Variants in RPL12 observed in about 807,000 individuals in gnomAD.
RPL12 encodes the protein large ribosomal subunit protein uL11.
Under a neutral mutation model 24.5 loss-of-function variants are expected in RPL12, and 10 were observed. That is an observed-to-expected ratio of 0.41 (90% CI 0.25 to 0.69). RPL12 has a LOEUF of 0.69. Among genes scored for constraint, RPL12 ranks in the 30% least tolerant of loss-of-function variants. The probability of loss-of-function intolerance (pLI) is 0.33; values close to 1 mark genes in which losing one functional copy is unlikely to be tolerated. For missense variants in RPL12, 137 were observed against 205.3 expected (o/e 0.67, Z 2.03); for synonymous variants, 74 against 76.1 (o/e 0.97, Z 0.14).
rs749249459 is a variant in RPL12 at position 127,449,520 on chromosome 9, C to T, written c.210+90G>A. ...CAAGGTGAAATCACTCTCGGCTCAC[C>T]ACTGGTGGCAGAAATACTCTTCAGG... On this transcript the variant is annotated intron_variant, in intron 3 of 6. Coordinates refer to ENST00000361436, the MANE Select transcript of RPL12 (RefSeq NM_000976.4). The T allele has an allele frequency of 4.4e-5, 59 of 1,355,904 alleles. No individual in the cohort carries two copies. The South Asian group carries it at 4.8e-4, about 11-fold the overall frequency. 84.0% of individuals were successfully genotyped at this position (1,355,904 alleles called of 1,614,324 possible). A position where few individuals can be genotyped will look rare whatever the true frequency, so the allele number is the denominator to read the frequency against.
At chr9:127,448,185 T>A in intron 5 of RPL12, 152 bp downstream of exon 5, 2 of 961,698 alleles carry the variant, frequency 2.1e-6, no homozygotes, top group Non-Finnish European at 3.2e-6. Context: ...ATGCCCAGAT[T>A]AAACACATCC....
rs576415871 is a variant in RPL12 at position 127,447,910 on chromosome 9, A to C, written c.459T>G (p.Asp153Glu). 2.5e-5 allele frequency: 41 copies of C among 1,613,584 alleles called. No homozygotes were observed. The highest frequency in any genetic ancestry group is 2.7e-5 in the Non-Finnish European group (32 of 1,179,890). ...VDGRHPHDII[D>E]DINSGAVECP... is the part of the protein sequence containing the mutation. The stretch of plus-strand genomic sequence containing the variant: ...ATTCCACAGCACCACTGTTGATGTC[A>C]TCGATGATGTCATGAGGATGGCGGC... Residue 153 changes from aspartate (D) to glutamate (E), a missense_variant, in exon 6 of 7, where the codon GAT (aspartate) becomes GAG (glutamate). By Grantham distance (45) the Asp-to-Glu change is conservative (BLOSUM62 2). This residue lies in a region of RPL12 where 118 missense variants were observed against 160.7 expected (regional missense o/e 0.73). Coordinates refer to ENST00000361436, the MANE Select transcript of RPL12 (RefSeq NM_000976.4).
chr9:127,448,192 A>G (rs1834205777), intron 5 of RPL12, 145 bp downstream of exon 5: 1 of 965,624 alleles, frequency 1.0e-6, no homozygotes, highest in Admixed American at 2.0e-5. Flanking sequence ...GATTAAACAC[A>G]TCCAATTTAC....
intron 3 of RPL12, 55 bp downstream of exon 3, chr9:127,449,555 G>A (rs1834233372): frequency 6.7e-7 from 1 of 1,500,792 alleles, no homozygotes; most frequent in Non-Finnish European, 9.3e-7. Context: ...GAATCCCAGA[G>A]GGTTGCTACC....
At chr9:127,449,444 C>A (rs1588083976) in intron 3 of RPL12, 82 bp from the exon 4 acceptor site, 1 of 1,406,868 alleles carries the variant, frequency 7.1e-7, no homozygotes, top group East Asian at 2.3e-5. Flanking sequence ...CATGGCCACA[C>A]ACTGTCCAAG....
At chr9:127,449,147 C>A in intron 4 of RPL12, 134 bp downstream of exon 4, 1 of 673,714 alleles carries the variant, frequency 1.5e-6, no homozygotes, top group Non-Finnish European at 2.5e-6. Context: ...TACTACCTGG[C>A]TCTAGCAGCC....
At chr9:127,448,754 G>A (rs1406157702) in intron 4 of RPL12, 1 of 454,132 alleles carries the variant, frequency 2.2e-6, no homozygotes, top group Admixed American at 2.9e-5. Flanking sequence ...GTGGTCTCCT[G>A]ATTATAGGTC....
intron 1 of RPL12, 46 bp from the exon 2 acceptor site, chr9:127,450,850 C>CTTTTTTAATGA: frequency 7.3e-7 from 1 of 1,374,642 alleles, no homozygotes; most frequent in Admixed American, 2.1e-5. Flanking sequence ...GAGCCCCGAG[C>CTTTTTTAATGA]CACAGCCCTC....
intron 6 of RPL12, 48 bp from the exon 7 acceptor site, chr9:127,447,774 C>T (rs373668285): frequency 1.7e-5 from 28 of 1,613,112 alleles, no homozygotes; most frequent in Non-Finnish European, 1.7e-6. Context: ...AAGGATTATC[C>T]CACCCCACCA....
rs1464181063 is a variant in RPL12 at position 127,448,147 on chromosome 9, C to T, written c.380-158G>A. 2.0e-5 allele frequency among the ~76,000 whole-genome samples: 3 copies of T among 152,174 alleles called. No individual in the cohort carries two copies. Among genetic ancestry groups the T allele is most frequent in the African/African-American group, 2.4e-5 (1 of 41,432 alleles). ...TAGAGTTCCATCTAGTTCCATAACC[C>T]GGAATGCAAAGCTTCCATGGGTCCT... On this transcript the variant is annotated intron_variant, in intron 5 of 6. Coordinates refer to ENST00000361436, the MANE Select transcript of RPL12 (RefSeq NM_000976.4).
chr9:127,447,794 T>G, intron 6 of RPL12, 68 bp from the exon 7 acceptor site: 1 of 1,612,270 alleles, frequency 6.2e-7, no homozygotes, highest in Non-Finnish European at 8.5e-7. Context: ...AGTAACCATT[T>G]CCAAAACTTC....
chr9:127,448,495 T>C lies in RPL12; in HGVS notation c.293-72A>G, dbSNP rs775754923. The C allele has an allele frequency of 5.0e-6, 5 of 990,392 alleles. No individual in the cohort carries two copies. The African/African-American group carries it at 6.3e-5, about 13-fold the overall frequency. 61.4% of individuals were successfully genotyped at this position (990,392 alleles called of 1,614,324 possible). A position where few individuals can be genotyped will look rare whatever the true frequency, so the allele number is the denominator to read the frequency against. On this transcript the variant is annotated intron_variant, in intron 4 of 6. Transcript: ENST00000361436. The stretch of plus-strand genomic sequence containing the variant: ...AGCAGATCATGTGTCCTTCATTTCA[T>C]TTCTAGGCTGTTCCCATGCTTTCGG...
chr9:127,448,955 C>CT (rs1834220933), intron 4 of RPL12, among the ~76,000 whole-genome samples: 1 of 152,166 alleles, frequency 6.6e-6, no homozygotes, highest in South Asian at 2.1e-4. Flanking sequence ...CCTCAGCCGT[C>CT]TGAGTAGCCA....
chr9:127,451,060 G>A, intron 1 of RPL12: 1 of 673,606 alleles, frequency 1.5e-6, no homozygotes, highest in South Asian at 2.1e-5. Context: ...CCTAGGGCGT[G>A]CGGGCTCCCA....
Position 127,448,039 on chromosome 9 carries a change from A to C in RPL12, c.380-50T>G, listed in dbSNP as rs369495519. 4 of 1,557,078 alleles carry C rather than the reference A, an allele frequency of 2.6e-6. No homozygotes were observed. The South Asian group carries it at 3.7e-5, about 14-fold the overall frequency. The stretch of plus-strand genomic sequence containing the variant: ...TGGAGGTGCTGGCTCAGTCCCTCAC[A>C]ATCTGCAGATACTGGGGAATACTGA... On this transcript the variant is annotated intron_variant, in intron 5 of 6. Coordinates refer to ENST00000361436, the MANE Select transcript of RPL12 (RefSeq NM_000976.4).
chr9:127,451,190 T>A, intron 1 of RPL12, 91 bp downstream of exon 1: 1 of 1,531,244 alleles, frequency 6.5e-7, no homozygotes, highest in Admixed American at 1.9e-5. Context: ...AGGCAGCGGC[T>A]TTAAGAGCCC....
At chr9:127,448,242 G>T in intron 5 of RPL12, 95 bp downstream of exon 5, 1 of 1,108,126 alleles carries the variant, frequency 9.0e-7, no homozygotes, top group Non-Finnish European at 1.4e-6. Flanking sequence ...ACCCCATCTT[G>T]GGTCTCACTG....
chr9:127,448,022 C>T (rs376763412), intron 5 of RPL12, 33 bp from the exon 6 acceptor site: 16 of 1,578,758 alleles, frequency 1.0e-5, no homozygotes, highest in Non-Finnish European at 1.2e-5. Context: ...ATTGGAGGTG[C>T]TGGCTCAGTC....
intron 3 of RPL12, 81 bp downstream of exon 3, chr9:127,449,529 C>T (rs1834232629): frequency 7.1e-7 from 1 of 1,399,506 alleles, no homozygotes; most frequent in East Asian, 2.3e-5. Flanking sequence ...CCACTGGTGG[C>T]AGAAATACTC....
Sources: gnomAD v4.1 joint callset for allele counts (sites outside exome capture counted in the v4.1 genomes callset) on GRCh38, gnomAD v4.1.1 for gene constraint, gnomAD v4.1.1 regional missense constraint, MANE v1.5 for transcripts, NCBI Gene and HGNC (gene_info 2026-07-23, HGNC 2026-07-21) for gene names.